PCDH15: variants seen among roughly 807,000 people sequenced by gnomAD.
PCDH15 encodes protocadherin-15.
A neutral mutation model predicts 178.5 loss-of-function variants in PCDH15; 129 were observed. That is an observed-to-expected ratio of 0.72 (90% CI 0.63 to 0.84). PCDH15 has a LOEUF of 0.84. PCDH15 is among the 40% of genes least tolerant of loss of function. The pLI is 0.00. For synonymous variants in PCDH15, 800 were observed against 732.0 expected, an observed-to-expected ratio of 1.09 and a Z score of -1.50; for missense variants, 2,230 against 2,099.9, an observed-to-expected ratio of 1.06 and a Z score of -1.21.
intron 3 of PCDH15, among the ~76,000 whole-genome samples, chr10:54,499,575 G>A (rs1052140818): frequency 2.6e-5 from 4 of 151,988 alleles, no homozygotes; most frequent in Non-Finnish European, 5.9e-5. Context: ...AATGACCTTT[G>A]AATAAACAAT....
At chr10:55,324,085 C>T (rs1044182599), upstream of PCDH15, among the ~76,000 whole-genome samples, 1 of 152,058 alleles carries the variant, frequency 6.6e-6, no homozygotes, top group Non-Finnish European at 1.5e-5. Context: ...TAAGACATGC[C>T]TTTGCTTCTC....
intron 2 of PCDH15, among the ~76,000 whole-genome samples, chr10:54,935,408 T>C (rs1837879328): frequency 6.6e-6 from 1 of 152,114 alleles, no homozygotes; most frequent in African/African-American, 2.4e-5. Flanking sequence ...ATCATATATA[T>C]TTTCCTATGT....
At chr10:55,517,426 A>G (rs889663573) in intron 2 of PCDH15, among the ~76,000 whole-genome samples, 1 of 152,132 alleles carries the variant, frequency 6.6e-6, no homozygotes, top group Non-Finnish European at 1.5e-5. Flanking sequence ...CCCGTGACCC[A>G]TGAGCTCCAA....
rs559528455 is a variant in PCDH15, at chr10:55,164,953, T to G, written c.-80+1623A>C. On this transcript the variant is annotated intron_variant, in intron 2 of 5. Transcript: ENST00000458638. ...ATTAGAGTGTTTGTATTGGAAATTT[T>G]GATACTGGTCTATAATTATCTATTT... Among the ~76,000 whole-genome samples the G allele has an allele frequency of 4.0e-5, 6 of 150,738 alleles. No homozygotes were observed. In the South Asian group the frequency reaches 1.3e-3, roughly 32 times the overall value.
At chr10:55,092,727 T>C (rs1248856751) in intron 2 of PCDH15, among the ~76,000 whole-genome samples, 1 of 151,944 alleles carries the variant, frequency 6.6e-6, no homozygotes, top group Non-Finnish European at 1.5e-5. Context: ...TATTGCTCTG[T>C]TTGTTTCTAT....
intron 28 of PCDH15, among the ~76,000 whole-genome samples, chr10:53,852,470 T>C (rs1436045901): frequency 6.6e-6 from 1 of 151,750 alleles, no homozygotes; most frequent in Admixed American, 6.6e-5. Flanking sequence ...GTCAATTTTA[T>C]AAGCTTAAAA....
intron 2 of PCDH15, among the ~76,000 whole-genome samples, chr10:55,053,610 T>C (rs1307597043): frequency 6.6e-6 from 1 of 152,196 alleles, no homozygotes; most frequent in East Asian, 1.9e-4. Context: ...TCTCATTGGC[T>C]TTGTATTGTT....
chr10:54,133,334 C>A (rs1205163263), intron 14 of PCDH15, among the ~76,000 whole-genome samples: 1 of 152,144 alleles, frequency 6.6e-6, no homozygotes. Flanking sequence ...TCTCTAATAG[C>A]AAAATCATTC....
At chr10:54,421,731 T>C (rs1448336825) in intron 3 of PCDH15, among the ~76,000 whole-genome samples, 3 of 73,386 alleles carry the variant, frequency 4.1e-5, no homozygotes, top group African/African-American at 2.4e-4. Context: ...TTTTGTGTTA[T>C]ATATACACAC....
At chr10:55,294,509 CAG>C (rs1843086967) in intron 1 of PCDH15, among the ~76,000 whole-genome samples, 1 of 152,148 alleles carries the variant, frequency 6.6e-6, no homozygotes, top group Non-Finnish European at 1.5e-5. Flanking sequence ...GAAGATGAAT[CAG>C]GGGAAATAAT....
intron 1 of PCDH15, among the ~76,000 whole-genome samples, chr10:54,720,437 A>G (rs533264624): frequency 1.3e-5 from 2 of 152,154 alleles, no homozygotes; most frequent in South Asian, 4.1e-4. Flanking sequence ...CTATAAAGAA[A>G]ATCGCATCAA....
In PCDH15 at chr10:54,171,701, T is replaced by G. The variant is rs559741399; in HGVS notation, c.1590+11743A>C. On this transcript the variant is annotated intron_variant, in intron 13 of 37. Transcript: ENST00000644397. ...GACTATGCTGAATCTCCTTAGGCAC[T>G]CTCTAATCAGATATCCTGAGTTGTC... 1.1e-3 allele frequency among the ~76,000 whole-genome samples: 163 copies of G among 152,154 alleles called. 1 individual carries two copies. Among genetic ancestry groups the G allele is most frequent in the African/African-American group, 2.9e-3 (121 of 41,452 alleles).
At chr10:54,792,946 A>G (rs1488702683) in intron 1 of PCDH15, among the ~76,000 whole-genome samples, 1 of 151,720 alleles carries the variant, frequency 6.6e-6, no homozygotes, top group African/African-American at 2.4e-5. Context: ...TCCTACCCAT[A>G]TCATGCTGTT....
At chr10:54,476,402 T>G (rs939315844) in intron 3 of PCDH15, among the ~76,000 whole-genome samples, 21 of 152,224 alleles carry the variant, frequency 1.4e-4, no homozygotes, top group African/African-American at 4.8e-4. Flanking sequence ...ACATAATCAT[T>G]TTCTTTCAGA....
At position 54,093,151 on chromosome 10, in the gene PCDH15, T is replaced by C. The variant is rs571025894; in HGVS notation, c.1918-3088A>G. ...GTAGCTTGAAATATTTCTTCAGTTTTATTTGACCACTCAAATACCTCAGTC... is the reference window on the plus strand; with the variant it reads ...GTAGCTTGAAATATTTCTTCAGTTTCATTTGACCACTCAAATACCTCAGTC... On this transcript the variant is annotated intron_variant, in intron 15 of 37. Transcript: ENST00000644397. 1.2e-4 allele frequency among the ~76,000 whole-genome samples: 19 copies of C among 152,294 alleles called. No individual in the cohort carries two copies. The South Asian group carries it at 2.5e-3, about 20-fold the overall frequency.
rs376434888 is a variant in PCDH15, at chr10:54,172,300, T to G, written c.1590+11144A>C. On this transcript the variant is annotated intron_variant, in intron 13 of 37. Transcript: ENST00000644397. ...TCAGAAACACCCCCACTGAGCACCT[T>G]GCGACCCCCGACTCCTGCCCGCCAG... Among the ~76,000 whole-genome samples, 8 of 152,036 alleles carry G rather than the reference T, an allele frequency of 5.3e-5. No individual in the cohort carries two copies. In the East Asian group the frequency reaches 1.4e-3, roughly 26 times the overall value.
At chr10:53,999,894 G>C (rs993611010) in intron 20 of PCDH15, among the ~76,000 whole-genome samples, 2 of 152,134 alleles carry the variant, frequency 1.3e-5, no homozygotes, top group Non-Finnish European at 2.9e-5. Flanking sequence ...TCTTGGACAA[G>C]ACCCAGTGCT....
In PCDH15 at chr10:54,421,662, G is replaced by GTATATATATATATATATATATA. The variant is rs1335026971; in HGVS notation, c.158-42721_158-42720insTATATATATATATATATATATA. ...ACATTTATATATGTACATGTGTAGT[G>GTATATATATATATATATATATA]TATATATACATATATATATATATAT... On this transcript the variant is annotated intron_variant, in intron 3 of 37. Coordinates refer to ENST00000644397, the MANE Select transcript of PCDH15 (RefSeq NM_001384140.1). Among the ~76,000 whole-genome samples, 3 of 70,956 alleles carry GTATATATATATATATATATATA rather than the reference G, an allele frequency of 4.2e-5. 1 individual carries two copies. The highest frequency in any genetic ancestry group is 8.7e-5 in the Non-Finnish European group (3 of 34,554). The allele number at this position is 70,956 out of a possible 152,430, so 46.5% of individuals were successfully genotyped here. A position where few individuals can be genotyped will look rare whatever the true frequency, so the allele number is the denominator to read the frequency against.
intron 3 of PCDH15, among the ~76,000 whole-genome samples, chr10:54,407,912 C>A (rs1160086049): frequency 2.0e-5 from 3 of 151,536 alleles, no homozygotes; most frequent in Non-Finnish European, 2.9e-5. Context: ...ACAAATTAGT[C>A]GGGGTGGTGG....
Sources: gnomAD v4.1 joint callset for allele counts (sites outside exome capture counted in the v4.1 genomes callset) on GRCh38, gnomAD v4.1.1 for gene constraint, MANE v1.5 for transcripts, NCBI Gene and HGNC (gene_info 2026-07-23, HGNC 2026-07-21) for gene names.